The following PCDHGA9 variants were observed in gnomAD, a reference collection of about 807,000 sequenced individuals.
PCDHGA9 encodes protocadherin gamma-A9.
A neutral mutation model predicts 62.5 loss-of-function variants in PCDHGA9; 37 were observed. The observed-to-expected ratio is 0.59, with a 90% CI of 0.46 to 0.78. The LOEUF is 0.78. Among genes scored for constraint, PCDHGA9 ranks in the 30% least tolerant of loss-of-function variants. The pLI is 0.00. For missense variants in PCDHGA9, 1,138 were observed against 1,166.2 expected (o/e 0.98, Z 0.35); for synonymous variants, 459 against 484.6 (o/e 0.95, Z 0.69).
At chr5:141,484,958 G>T in intron 1 of PCDHGA9, 1 of 575,874 alleles carries the variant, frequency 1.7e-6, no homozygotes. Flanking sequence ...TATTGGCTGA[G>T]CCCGGGAGCC....
chr5:141,445,035 T>C (rs1438748354), intron 1 of PCDHGA9, among the ~76,000 whole-genome samples: 1 of 152,208 alleles, frequency 6.6e-6, no homozygotes, highest in Admixed American at 6.5e-5. Flanking sequence ...CTATGTTGTA[T>C]AGTTTTCAGT....
chr5:141,428,349 G>A (rs555622676), intron 1 of PCDHGA9: 93 of 583,074 alleles, frequency 1.6e-4, no homozygotes, highest in African/African-American at 1.5e-3. Flanking sequence ...TCCTCGCAGT[G>A]ATTTTGGCGG....
At chr5:141,505,296 G>A (rs1174492966) in intron 2 of PCDHGA9, 97 bp from the exon 3 acceptor site, 1 of 1,584,850 alleles carries the variant, frequency 6.3e-7, no homozygotes, top group Non-Finnish European at 8.6e-7. Context: ...ATGGGGTAGG[G>A]TTAGGGTACT....
chr5:141,424,776 A>G (rs1406581367), intron 1 of PCDHGA9: 2 of 152,154 alleles, frequency 1.3e-5, no homozygotes, highest in African/African-American at 4.8e-5. Context: ...CAAATAGTAC[A>G]TTCAGTTCTT....
At chr5:141,464,748 T>C (rs995568259) in intron 1 of PCDHGA9, among the ~76,000 whole-genome samples, 2 of 152,190 alleles carry the variant, frequency 1.3e-5, no homozygotes, top group Admixed American at 1.3e-4. Context: ...TATCTTTTTG[T>C]TTTTTTAGAG....
chr5:141,431,833 AAACTCT>A lies in PCDHGA9; in HGVS notation c.2424+26458_2424+26463del. The A allele has an allele frequency of 1.2e-6, 2 of 1,614,278 alleles. No homozygotes were observed. Among genetic ancestry groups the A allele is most frequent in the Non-Finnish European group, 1.7e-6 (2 of 1,180,044 alleles). ...CCTCTCTCGCCAGCTCGGTTCCCGA[AAACTCT>A]CCCAGAGGGACATTAATTGCCCTTT... is the stretch of plus-strand genomic sequence containing the variant. On this transcript the variant is annotated intron_variant, in intron 1 of 3. Transcript: ENST00000573521. This position sits in a 1 kb window ranked among gnomAD's most constrained non-coding sequence, Gnocchi z 4.8.
chr5:141,413,446 G>A, intron 1 of PCDHGA9: 1 of 1,614,130 alleles, frequency 6.2e-7, no homozygotes. Context: ...CTTGATCACC[G>A]CGGGCAGGAT....
intron 1 of PCDHGA9, among the ~76,000 whole-genome samples, chr5:141,452,019 C>T (rs1227308101): frequency 3.3e-5 from 5 of 152,194 alleles, no homozygotes; most frequent in African/African-American, 1.2e-4. Flanking sequence ...AGCCCACACT[C>T]TGGGGAGATG....
At chr5:141,439,796 G>C (rs980000701) in intron 1 of PCDHGA9, 4 of 152,318 alleles carry the variant, frequency 2.6e-5, no homozygotes, top group African/African-American at 9.6e-5. Flanking sequence ...AATCCAAGAA[G>C]AGTTTGAAAA....
In PCDHGA9 at chr5:141,417,986, A is replaced by G. The variant is rs777967345; in HGVS notation, c.2424+12610A>G. On this transcript the variant is annotated intron_variant, in intron 1 of 3. Coordinates refer to ENST00000573521, the MANE Select transcript of PCDHGA9 (RefSeq NM_018921.3). ...CTACTCGATTCCGGAGGAGCTGGCC[A>G]AGGGCTCGGTGGTGGGGAACCTCGC... The G allele has an allele frequency of 9.9e-6, 16 of 1,613,490 alleles. No individual in the cohort carries two copies. Among genetic ancestry groups the G allele is most frequent in the Non-Finnish European group, 1.4e-5 (16 of 1,179,718 alleles).
chr5:141,421,515 C>A, intron 1 of PCDHGA9: 3 of 1,614,080 alleles, frequency 1.9e-6, no homozygotes, highest in Non-Finnish European at 2.5e-6. Context: ...GGGAGGAGCT[C>A]TGTGAGACGG....
rs1221067458 is a variant in PCDHGA9 at position 141,491,658 on chromosome 5, C to T, written c.2425-3149C>T. The T allele has an allele frequency of 3.1e-6, 5 of 1,613,822 alleles. No individual in the cohort carries two copies. The highest frequency in any genetic ancestry group is 2.2e-5 in the South Asian group (2 of 91,088). Reference sequence around the variant, plus strand: ...CCACAGCTCTGGCGCTGGAGCCTGACGCCATCCGGTCCCGCTCTAATACGC... The same window carrying T: ...CCACAGCTCTGGCGCTGGAGCCTGATGCCATCCGGTCCCGCTCTAATACGC... On this transcript the variant is annotated intron_variant, in intron 1 of 3. Coordinates refer to ENST00000573521, the MANE Select transcript of PCDHGA9 (RefSeq NM_018921.3). The surrounding 1 kb of genome is among the most constrained non-coding windows in gnomAD (Gnocchi z 6.9).
At chr5:141,510,272 T>TAAAA (rs546154379) in intron 3 of PCDHGA9, among the ~76,000 whole-genome samples, 4 of 130,388 alleles carry the variant, frequency 3.1e-5, no homozygotes, top group Non-Finnish European at 4.9e-5. Context: ...GACTCCATCT[T>TAAAA]AAAAAAAAAA....
intron 1 of PCDHGA9, chr5:141,410,258 G>A: frequency 6.2e-7 from 1 of 1,614,022 alleles, no homozygotes; most frequent in East Asian, 2.2e-5. Context: ...TGACCCCCAG[G>A]CTGAACTGCA....
intron 1 of PCDHGA9, among the ~76,000 whole-genome samples, chr5:141,471,778 A>T (rs2099264151): frequency 6.6e-6 from 1 of 152,244 alleles, no homozygotes; most frequent in Non-Finnish European, 1.5e-5. Flanking sequence ...TGAGTTTGAC[A>T]TTATGCTATG....
At position 141,431,784 on chromosome 5, in the gene PCDHGA9, A is replaced by G; in HGVS notation, c.2424+26408A>G. On this transcript the variant is annotated intron_variant, in intron 1 of 3. Coordinates refer to ENST00000573521, the MANE Select transcript of PCDHGA9 (RefSeq NM_018921.3). The surrounding 1 kb of genome is among the most constrained non-coding windows in gnomAD (Gnocchi z 4.8). ...CTGATCACTGTTCTGGACGTGAACG[A>G]CAATGCCCCAGAAGTGGTCCTCACC... 1 of 1,614,220 alleles carries G rather than the reference A, an allele frequency of 6.2e-7. No individual in the cohort carries two copies. Among genetic ancestry groups the G allele is most frequent in the Non-Finnish European group, 8.5e-7 (1 of 1,180,022 alleles).
At position 141,431,612 on chromosome 5, in the gene PCDHGA9, G is replaced by A. The variant is rs79883194; in HGVS notation, c.2424+26236G>A. 1.9e-6 allele frequency: 3 copies of A among 1,614,126 alleles called. No homozygotes were observed. The highest frequency in any genetic ancestry group is 2.5e-6 in the Non-Finnish European group (3 of 1,180,052). ...AGTGAGGTATTCCTTCCGGTATGTG[G>A]ACGACAAGGCGGCCCAAGTTTTCAA... On this transcript the variant is annotated intron_variant, in intron 1 of 3. Coordinates refer to ENST00000573521, the MANE Select transcript of PCDHGA9 (RefSeq NM_018921.3). This position sits in a 1 kb window ranked among gnomAD's most constrained non-coding sequence, Gnocchi z 4.8.
In PCDHGA9 at chr5:141,403,792, A is replaced by G; in HGVS notation, c.840A>G (p.Lys280=). The change falls in exon 1 of 4, where the codon AAA becomes AAG. Residue 280 remains lysine, a synonymous_variant. Coordinates refer to ENST00000573521, the MANE Select transcript of PCDHGA9 (RefSeq NM_018921.3). ...GAATCAACGGAAAAGTGGCATACAA[A>G]TTCTGGAAAATTAATGAAAAACAAT... ...DEGINGKVAY[K]FWKINEKQSL... 2 of 1,613,922 alleles carry G rather than the reference A, an allele frequency of 1.2e-6. No homozygotes were observed. Among genetic ancestry groups the G allele is most frequent in the African/African-American group, 1.3e-5 (1 of 75,070 alleles).
chr5:141,486,760 G>C lies in PCDHGA9; in HGVS notation c.2425-8047G>C. ...GATCCTTTGACTATGAGCAAACCCAGACACTGCAGTTTGAGGTGCAGGCCC... is the reference window on the plus strand; with the variant it reads ...GATCCTTTGACTATGAGCAAACCCACACACTGCAGTTTGAGGTGCAGGCCC... On this transcript the variant is annotated intron_variant, in intron 1 of 3. Transcript: ENST00000573521. This position sits in a 1 kb window ranked among gnomAD's most constrained non-coding sequence, Gnocchi z 5.0. 1.2e-6 allele frequency: 2 copies of C among 1,614,240 alleles called. No homozygotes were observed. The highest frequency in any genetic ancestry group is 2.2e-5 in the South Asian group (2 of 91,086).
Sources: gnomAD v4.1 joint callset for allele counts (sites outside exome capture counted in the v4.1 genomes callset) on GRCh38, gnomAD v4.1.1 for gene constraint, Gnocchi (gnomAD v3.1) non-coding constraint, MANE v1.5 for transcripts, NCBI Gene and HGNC (gene_info 2026-07-23, HGNC 2026-07-21) for gene names.